The following ELOVL5 variants were observed in gnomAD, a reference collection of about 807,000 sequenced individuals.
The protein encoded by ELOVL5 is very long chain fatty acid elongase 5.
A neutral mutation model predicts 38.6 loss-of-function variants in ELOVL5; 8 were observed. That is an observed-to-expected ratio of 0.21 (90% CI 0.12 to 0.37). ELOVL5 has a LOEUF of 0.37. Ranked by LOEUF, ELOVL5 falls within the 10% of genes least tolerant of loss-of-function variation. The probability of loss-of-function intolerance (pLI) is 1.00; values close to 1 mark genes in which losing one functional copy is unlikely to be tolerated. For missense variants in ELOVL5, 280 were observed against 367.8 expected (o/e 0.76, Z 1.95); for synonymous variants, 127 against 133.7 (o/e 0.95, Z 0.34).
At chr6:53,299,448 G>A (rs116083736) in intron 1 of ELOVL5, among the ~76,000 whole-genome samples, 125 of 152,198 alleles carry the variant, frequency 8.2e-4, no homozygotes, top group Middle Eastern at 3.4e-3. Context: ...TAGTGGCCCC[G>A]GAAAAATATG....
intron 3 of ELOVL5, among the ~76,000 whole-genome samples, chr6:53,283,569 A>C (rs1283908025): frequency 6.6e-6 from 1 of 152,242 alleles, no homozygotes; most frequent in Non-Finnish European, 1.5e-5. Context: ...CATGTTATGG[A>C]ATAAAAAAAG....
chr6:53,317,289 C>A (rs1304626909), intron 1 of ELOVL5, among the ~76,000 whole-genome samples: 2 of 152,184 alleles, frequency 1.3e-5, no homozygotes, highest in Non-Finnish European at 2.9e-5. Flanking sequence ...AACCAGATAA[C>A]CATTTAAAAA....
At chr6:53,315,767 C>T (rs777320452) in intron 1 of ELOVL5, among the ~76,000 whole-genome samples, 1 of 152,078 alleles carries the variant, frequency 6.6e-6, no homozygotes, top group East Asian at 1.9e-4. Context: ...CCCAGTAGTC[C>T]CCAAGTTAAA....
chr6:53,305,386 C>T (rs1263564920), intron 1 of ELOVL5, among the ~76,000 whole-genome samples: 22 of 142,124 alleles, frequency 1.5e-4, no homozygotes, highest in Admixed American at 1.5e-3. Flanking sequence ...GCTGACCCCC[C>T]CCCACCTCCC....
At chr6:53,319,032 C>A (rs1322750043) in intron 1 of ELOVL5, among the ~76,000 whole-genome samples, 1 of 151,626 alleles carries the variant, frequency 6.6e-6, no homozygotes, top group African/African-American at 2.4e-5. Context: ...GCCTGTAATC[C>A]CAGCACTTTG....
chr6:53,348,028 C>CCG (rs1554141183), intron 1 of ELOVL5, among the ~76,000 whole-genome samples: 1 of 151,328 alleles, frequency 6.6e-6, no homozygotes, highest in Non-Finnish European at 1.5e-5. Flanking sequence ...AACCGCCCCC[C>CCG]CGCCGCGCGC....
In ELOVL5 at chr6:53,305,159, C is replaced by A. The variant is rs183794109; in HGVS notation, c.-8-9452G>T. 4.9e-4 allele frequency among the ~76,000 whole-genome samples: 69 copies of A among 141,188 alleles called. 2 individuals are homozygous for A. Among genetic ancestry groups the A allele is most frequent in the African/African-American group, 1.7e-3 (63 of 36,420 alleles). 92.6% of individuals were successfully genotyped at this position (141,188 alleles called of 152,430 possible). A position where few individuals can be genotyped will look rare whatever the true frequency, so the allele number is the denominator to read the frequency against. On this transcript the variant is annotated intron_variant, in intron 1 of 7. Coordinates refer to ENST00000304434, the MANE Select transcript of ELOVL5 (RefSeq NM_021814.5). ...GCGGCTCGCCGGGCAGGGGGCTGAC[C>A]CCCCCACCTCCCTCCCGGACGGGGC...
At chr6:53,277,611 C>T (rs558730878) in intron 3 of ELOVL5, 6 of 152,354 alleles carry the variant, frequency 3.9e-5, no homozygotes, top group African/African-American at 1.2e-4. Flanking sequence ...ACACAACAAA[C>T]TATTCTATAC....
intron 1 of ELOVL5, among the ~76,000 whole-genome samples, chr6:53,326,318 A>C (rs910521341): frequency 6.6e-6 from 1 of 151,998 alleles, no homozygotes; most frequent in African/African-American, 2.4e-5. Flanking sequence ...TAACCACCAA[A>C]ATCAGTGGGG....
intron 1 of ELOVL5, among the ~76,000 whole-genome samples, chr6:53,326,197 T>C (rs1768534251): frequency 6.6e-6 from 1 of 152,180 alleles, no homozygotes; most frequent in Admixed American, 6.5e-5. Flanking sequence ...ATCCACCTCT[T>C]CCTAGCTGCA....
At chr6:53,311,886 T>G (rs1581965866) in intron 1 of ELOVL5, among the ~76,000 whole-genome samples, 1 of 152,170 alleles carries the variant, frequency 6.6e-6, no homozygotes, top group African/African-American at 2.4e-5. Context: ...CAATTAGATA[T>G]ACTTAAAAAT....
At chr6:53,324,126 G>A (rs563728745) in intron 1 of ELOVL5, among the ~76,000 whole-genome samples, 29 of 151,690 alleles carry the variant, frequency 1.9e-4, no homozygotes, top group African/African-American at 3.6e-4. Context: ...GGTGGCACAC[G>A]CTTGTAATCC....
intron 4 of ELOVL5, 107 bp downstream of exon 4, chr6:53,276,072 C>T (rs559669912): frequency 2.9e-6 from 2 of 693,342 alleles, no homozygotes; most frequent in Admixed American, 2.9e-5. Flanking sequence ...AAAATATCAA[C>T]AGGGATTGCC....
At position 53,305,834 on chromosome 6, in the gene ELOVL5, T is replaced by C. The variant is rs530886010; in HGVS notation, c.-8-10127A>G. The stretch of plus-strand genomic sequence containing the variant: ...GGGCAGAGGCTGCAATCTCCGCACT[T>C]TGTGGGGCCAAGGCAGGCGGCTGGG... On this transcript the variant is annotated intron_variant, in intron 1 of 7. Coordinates refer to ENST00000304434, the MANE Select transcript of ELOVL5 (RefSeq NM_021814.5). Among the ~76,000 whole-genome samples, 662 of 152,066 alleles carry C rather than the reference T, an allele frequency of 4.4e-3. 7 individuals are homozygous for C. Among genetic ancestry groups the C allele is most frequent in the African/African-American group, 0.015 (639 of 41,506 alleles).
In ELOVL5 at chr6:53,317,835, T is replaced by TAA. The variant is rs66824098; in HGVS notation, c.-8-22130_-8-22129dup. Among the ~76,000 whole-genome samples, 343 of 148,324 alleles carry TAA rather than the reference T, an allele frequency of 2.3e-3. 2 individuals carry two copies. Among genetic ancestry groups the TAA allele is most frequent in the African/African-American group, 6.4e-3 (254 of 39,720 alleles). On this transcript the variant is annotated intron_variant, in intron 1 of 7. Transcript: ENST00000304434. ...AAAAAAGATGAGAACAAAAAAAAAT[T>TAA]AAAAAAAATAAAATAAAATAAAATA...
At chr6:53,292,705 C>T (rs1430855359) in intron 2 of ELOVL5, among the ~76,000 whole-genome samples, 1 of 152,250 alleles carries the variant, frequency 6.6e-6, no homozygotes, top group Non-Finnish European at 1.5e-5. Context: ...GTGGGAGAAT[C>T]GCTTGAAATT....
At chr6:53,346,056 C>T (rs553104657) in intron 1 of ELOVL5, among the ~76,000 whole-genome samples, 56 of 152,274 alleles carry the variant, frequency 3.7e-4, no homozygotes, top group African/African-American at 1.1e-3. Flanking sequence ...TGCTCTCCCT[C>T]CCCTTGCCCC....
chr6:53,287,576 A>C (rs997465922), intron 3 of ELOVL5, among the ~76,000 whole-genome samples: 13 of 152,190 alleles, frequency 8.5e-5, no homozygotes, highest in African/African-American at 1.4e-4. Context: ...TTCACTCTCT[A>C]GAGTTGAGTC....
At chr6:53,281,877 C>T (rs7751617) in intron 3 of ELOVL5, among the ~76,000 whole-genome samples, 45 of 150,846 alleles carry the variant, frequency 3.0e-4, no homozygotes, top group Non-Finnish European at 4.9e-4. Context: ...TATAGCTGAA[C>T]GTAACACTCT....
Sources: allele counts gnomAD v4.1 joint callset (sites outside exome capture counted in the v4.1 genomes callset), GRCh38; gene constraint gnomAD v4.1.1; transcripts MANE v1.5; gene names NCBI Gene and HGNC (gene_info 2026-07-23, HGNC 2026-07-21).